RBPJ: variants seen among roughly 807,000 people sequenced by gnomAD.
The protein encoded by RBPJ is recombination signal binding protein for immunoglobulin kappa J region.
RBPJ carries 9 observed loss-of-function variants against 67.8 expected under a neutral mutation model. The observed-to-expected ratio is 0.13, with a 90% CI of 0.08 to 0.23. RBPJ has a LOEUF of 0.23. Among genes scored for constraint, RBPJ ranks in the 10% least tolerant of loss-of-function variants. The pLI, the probability that RBPJ is intolerant of heterozygous loss-of-function variation, is 1.00. For synonymous variants in RBPJ, 198 were observed against 203.3 expected, an observed-to-expected ratio of 0.97 and a Z score of 0.22; for missense variants, 305 against 595.6, an observed-to-expected ratio of 0.51 and a Z score of 5.08.
At chr4:26,391,690 A>G (rs1410640311) in intron 2 of RBPJ, among the ~76,000 whole-genome samples, 1 of 152,238 alleles carries the variant, frequency 6.6e-6, no homozygotes, top group Non-Finnish European at 1.5e-5. Context: ...GACTCTGAAA[A>G]GTAAATAATA....
At chr4:26,326,884 T>C (rs1024788094) in intron 1 of RBPJ, among the ~76,000 whole-genome samples, 12 of 152,278 alleles carry the variant, frequency 7.9e-5, no homozygotes, top group Non-Finnish European at 1.6e-4. Flanking sequence ...AAGGCAGCAA[T>C]GTATTTGGTG....
At chr4:26,277,740 G>A (rs1721131413) in intron 1 of RBPJ, among the ~76,000 whole-genome samples, 1 of 152,148 alleles carries the variant, frequency 6.6e-6, no homozygotes, top group Non-Finnish European at 1.5e-5. Context: ...TGCTCATATG[G>A]GCTCAAATTT....
intron 1 of RBPJ, among the ~76,000 whole-genome samples, chr4:26,310,665 C>CTTT (rs11289709): frequency 1.9e-5 from 2 of 107,454 alleles, no homozygotes; most frequent in Non-Finnish European, 3.8e-5. Flanking sequence ...CCTGTTTTAA[C>CTTT]TTTTTTTTTT....
the RBPJ span, among the ~76,000 whole-genome samples, chr4:26,150,832 A>G: frequency 1.3e-5 from 2 of 152,198 alleles, no homozygotes; most frequent in African/African-American, 4.8e-5. Context: ...CCATGTTTAC[A>G]CTAGTGAGAA....
intron 1 of RBPJ, among the ~76,000 whole-genome samples, chr4:26,188,833 A>G (rs916324442): frequency 6.6e-6 from 1 of 152,258 alleles, no homozygotes; most frequent in Non-Finnish European, 1.5e-5. Context: ...TATAAGATAG[A>G]TTACTAAAGA....
chr4:26,216,989 T>G (rs1041156906), intron 1 of RBPJ, among the ~76,000 whole-genome samples: 3 of 151,878 alleles, frequency 2.0e-5, no homozygotes, highest in Non-Finnish European at 4.4e-5. Flanking sequence ...ATGTGCTTTG[T>G]GGAGAATGGA....
the RBPJ span, among the ~76,000 whole-genome samples, chr4:26,108,863 C>G: frequency 6.6e-6 from 1 of 152,118 alleles, no homozygotes; most frequent in African/African-American, 2.4e-5. Context: ...GTAACCTGTC[C>G]AAGCTCAGTT....
intron 4 of RBPJ, among the ~76,000 whole-genome samples, chr4:26,418,341 A>G (rs1221497023): frequency 6.6e-6 from 1 of 152,172 alleles, no homozygotes; most frequent in African/African-American, 2.4e-5. Context: ...TGAGTCAGTG[A>G]CTTTTTCCTT....
intron 1 of RBPJ, among the ~76,000 whole-genome samples, chr4:26,327,739 G>T (rs1723787627): frequency 6.6e-6 from 1 of 151,940 alleles, no homozygotes; most frequent in Admixed American, 6.6e-5. Flanking sequence ...CAGCACTTTG[G>T]GAGGCTGAGG....
At position 26,333,411 on chromosome 4, in the gene RBPJ, C is replaced by T. The variant is rs142939286; in HGVS notation, c.20+12363C>T. On this transcript the variant is annotated intron_variant, in intron 1 of 10. Coordinates refer to ENST00000355476, the MANE Select transcript of RBPJ (RefSeq NM_015874.6). ...AGTGGTATCTCTATCTATTAGATTA[C>T]TTTAAATGAATTTCCAGGAAATAAA... is the stretch of plus-strand genomic sequence containing the variant. Among the ~76,000 whole-genome samples, 128 of 152,230 alleles carry T rather than the reference C, an allele frequency of 8.4e-4. 2 individuals carry two copies. Among genetic ancestry groups the T allele is most frequent in the African/African-American group, 2.9e-3 (120 of 41,536 alleles).
At chr4:26,338,335 T>C (rs1725116851) in intron 1 of RBPJ, among the ~76,000 whole-genome samples, 1 of 151,794 alleles carries the variant, frequency 6.6e-6, no homozygotes, top group African/African-American at 2.4e-5. Context: ...TTTGTATTTT[T>C]AGTAGAGACA....
At chr4:26,317,767 G>C (rs1298729022), upstream of RBPJ, among the ~76,000 whole-genome samples, 2 of 152,190 alleles carry the variant, frequency 1.3e-5, no homozygotes, top group Non-Finnish European at 2.9e-5. Flanking sequence ...AGGACTCCAA[G>C]GTTCTTGACA....
chr4:26,140,205 C>T, the RBPJ span, among the ~76,000 whole-genome samples: 1 of 152,112 alleles, frequency 6.6e-6, no homozygotes, highest in Admixed American at 6.5e-5. Flanking sequence ...TTGGCATCCC[C>T]TAGGCTGCTG....
chr4:26,169,515 G>A (rs961264345), intron 1 of RBPJ, among the ~76,000 whole-genome samples: 1 of 152,294 alleles, frequency 6.6e-6, no homozygotes, highest in Admixed American at 6.5e-5. Context: ...CTGCTCGGGG[G>A]TCAGGGGTCA....
intron 5 of RBPJ, among the ~76,000 whole-genome samples, chr4:26,423,902 A>T (rs907451734): frequency 6.6e-6 from 1 of 152,216 alleles, no homozygotes; most frequent in African/African-American, 2.4e-5. Context: ...TTAAAAATAT[A>T]TACATTTGCC....
At chr4:26,270,896 C>T (rs1447567382) in intron 1 of RBPJ, among the ~76,000 whole-genome samples, 1 of 152,014 alleles carries the variant, frequency 6.6e-6, no homozygotes, top group Non-Finnish European at 1.5e-5. Context: ...CACAGTTTTG[C>T]TTTCCTCTGT....
At chr4:26,399,758 T>C (rs1732571957) in intron 2 of RBPJ, among the ~76,000 whole-genome samples, 1 of 152,212 alleles carries the variant, frequency 6.6e-6, no homozygotes, top group African/African-American at 2.4e-5. Flanking sequence ...CGATCTTGGC[T>C]CACTGCAACC....
upstream of RBPJ, chr4:26,319,816 C>T (rs1722829673): frequency 5.4e-6 from 8 of 1,488,170 alleles, no homozygotes; most frequent in Middle Eastern, 8.6e-4. Flanking sequence ...GGGCTCCCTG[C>T]GGGAGGCAGT....
chr4:26,244,829 T>C (rs1719873512), intron 1 of RBPJ, among the ~76,000 whole-genome samples: 2 of 152,098 alleles, frequency 1.3e-5, no homozygotes, highest in Non-Finnish European at 2.9e-5. Flanking sequence ...AGGCGAGGTT[T>C]TGACATGTTG....
Sources: gnomAD v4.1 joint callset for allele counts (sites outside exome capture counted in the v4.1 genomes callset) on GRCh38, gnomAD v4.1.1 for gene constraint, MANE v1.5 for transcripts, NCBI Gene and HGNC (gene_info 2026-07-23, HGNC 2026-07-21) for gene names.